Variants in ADAMTS12 observed in about 807,000 individuals in gnomAD.
ADAMTS12 encodes ADAM metallopeptidase with thrombospondin type 1 motif 12.
Under a neutral mutation model 167.8 loss-of-function variants are expected in ADAMTS12, and 118 were observed. The ratio of observed to expected loss-of-function variants is 0.70; its 90% CI spans 0.61 to 0.82. ADAMTS12 has a LOEUF of 0.82. Among genes scored for constraint, ADAMTS12 ranks in the 40% least tolerant of loss-of-function variants. ADAMTS12 has a pLI of 0.00. For missense variants in ADAMTS12, 1,916 were observed against 1,998.8 expected, an observed-to-expected ratio of 0.96 and a Z score of 0.79; for synonymous variants, 704 against 716.9, an observed-to-expected ratio of 0.98 and a Z score of 0.29.
intron 19 of ADAMTS12, among the ~76,000 whole-genome samples, chr5:33,561,414 A>G (rs1352511286): frequency 6.6e-6 from 1 of 152,268 alleles, no homozygotes; most frequent in Admixed American, 6.5e-5. Context: ...TTTAAAAAAT[A>G]GTCACGGTTG....
chr5:33,555,446 T>G (rs1195359376), intron 20 of ADAMTS12, among the ~76,000 whole-genome samples: 1 of 152,130 alleles, frequency 6.6e-6, no homozygotes, highest in African/African-American at 2.4e-5. Flanking sequence ...GACGGGGTTT[T>G]GCCATATTGC....
chr5:33,726,050 C>T (rs1373709701), intron 3 of ADAMTS12, among the ~76,000 whole-genome samples: 2 of 152,224 alleles, frequency 1.3e-5, no homozygotes, highest in Non-Finnish European at 2.9e-5. Flanking sequence ...CCACACAGCT[C>T]ATTAGTGCCA....
intron 19 of ADAMTS12, among the ~76,000 whole-genome samples, chr5:33,562,404 TC>T (rs1745790802): frequency 6.6e-6 from 1 of 152,216 alleles, no homozygotes; most frequent in East Asian, 1.9e-4. Context: ...CAAAATTTGT[TC>T]CCTTTTGTGT....
chr5:33,648,763 T>C (rs1425854452), intron 9 of ADAMTS12, 59 bp downstream of exon 9: 11 of 1,599,852 alleles, frequency 6.9e-6, no homozygotes, highest in Non-Finnish European at 9.4e-6. Context: ...GTCCTGGCCC[T>C]TCCTTCAGCA....
In ADAMTS12 at chr5:33,523,938, A is replaced by G. The variant is rs1743692158; in HGVS notation, c.*3250T>C. The G allele has an allele frequency of 6.6e-6, 1 of 152,232 alleles. No individual in the cohort carries two copies. The highest frequency in any genetic ancestry group is 6.5e-5 in the Admixed American group (1 of 15,292). 9.4% of individuals were successfully genotyped at this position (152,232 alleles called of 1,614,324 possible). ...CCAAAGATTCATCTTGAAGTCAGAAAGGAGAAGAGCTAAGACCTGCACTCT... is the reference window on the plus strand; with the variant it reads ...CCAAAGATTCATCTTGAAGTCAGAAGGGAGAAGAGCTAAGACCTGCACTCT... On this transcript the variant is annotated 3_prime_UTR_variant, in exon 24 of 24. Coordinates refer to ENST00000504830, the MANE Select transcript of ADAMTS12 (RefSeq NM_030955.4).
At chr5:33,880,856 C>G (rs528731991) in intron 2 of ADAMTS12, 18 of 438,842 alleles carry the variant, frequency 4.1e-5, no homozygotes, top group African/African-American at 3.5e-4. Flanking sequence ...CTTCTTCCCC[C>G]TCCAACCCCA....
At chr5:33,877,781 C>A (rs932575270) in intron 2 of ADAMTS12, among the ~76,000 whole-genome samples, 2 of 152,098 alleles carry the variant, frequency 1.3e-5, no homozygotes, top group African/African-American at 4.8e-5. Context: ...CCATAGGTAG[C>A]TTTTCTAGGG....
chr5:33,535,481 T>A (rs1208494828), intron 22 of ADAMTS12, among the ~76,000 whole-genome samples: 1 of 152,128 alleles, frequency 6.6e-6, no homozygotes, highest in Non-Finnish European at 1.5e-5. Context: ...TGGCCACATT[T>A]CCTGCCAAGT....
Position 33,534,911 on chromosome 5 carries a change from C to T in ADAMTS12, c.4528G>A (p.Asp1510Asn), listed in dbSNP as rs762532361. ...PSEGNKTEDQ[D>N]QCLCDHKPRP... Reference sequence around the variant, plus strand: ...GGTTTGTGATCACATAGACATTGGTCTTGGTCTTCAGTTTTATTGCCCTCT... The same window carrying T: ...GGTTTGTGATCACATAGACATTGGTTTTGGTCTTCAGTTTTATTGCCCTCT... The change falls in exon 23 of 24, where the codon GAC becomes AAC. Residue 1510 changes from aspartate to asparagine, a missense_variant. Transcript: ENST00000504830. 2.5e-6 allele frequency: 4 copies of T among 1,614,096 alleles called. No individual in the cohort carries two copies. The highest frequency in any genetic ancestry group is 3.4e-6 in the Non-Finnish European group (4 of 1,180,004).
At chr5:33,776,213 A>G (rs1745904773) in intron 2 of ADAMTS12, among the ~76,000 whole-genome samples, 1 of 152,204 alleles carries the variant, frequency 6.6e-6, no homozygotes, top group South Asian at 2.1e-4. Context: ...AACATTTTAG[A>G]CCAAATGGAC....
intron 9 of ADAMTS12, among the ~76,000 whole-genome samples, chr5:33,647,849 T>A (rs532192728): frequency 6.6e-6 from 1 of 152,368 alleles, no homozygotes; most frequent in African/African-American, 2.4e-5. Context: ...TTAAGTTTGC[T>A]TGTTCTGTCT....
At chr5:33,561,352 C>T (rs1474046156) in intron 19 of ADAMTS12, among the ~76,000 whole-genome samples, 173 bp from the exon 20 acceptor site, 1 of 152,256 alleles carries the variant, frequency 6.6e-6, no homozygotes. Flanking sequence ...ATCTGAATCT[C>T]TTGGGGTAGG....
At chr5:33,579,174 C>T (rs1439512450) in intron 18 of ADAMTS12, among the ~76,000 whole-genome samples, 1 of 152,232 alleles carries the variant, frequency 6.6e-6, no homozygotes, top group African/African-American at 2.4e-5. Flanking sequence ...TGTGCTCCAT[C>T]TATTTTAGTC....
At chr5:33,855,473 T>TA (rs1749364422) in intron 2 of ADAMTS12, among the ~76,000 whole-genome samples, 2 of 152,244 alleles carry the variant, frequency 1.3e-5, no homozygotes, top group Non-Finnish European at 2.9e-5. Context: ...TCCTACATGT[T>TA]AAAAGAAGGA....
intron 7 of ADAMTS12, among the ~76,000 whole-genome samples, chr5:33,654,213 T>A (rs137892917): frequency 0.01 from 1,541 of 152,288 alleles, 21 homozygotes; most frequent in African/African-American, 0.035. Flanking sequence ...TGTTTAAAGG[T>A]TGTTGATAAT....
intron 23 of ADAMTS12, among the ~76,000 whole-genome samples, chr5:33,532,193 C>T (rs572913232): frequency 6.6e-6 from 1 of 152,190 alleles, no homozygotes; most frequent in South Asian, 2.1e-4. Context: ...CGTTATCAGG[C>T]GATAATATTT....
In ADAMTS12 at chr5:33,576,090, G is replaced by A. The variant is rs143099189; in HGVS notation, c.3936C>T (p.His1312=). 1.7e-4 allele frequency: 267 copies of A among 1,613,996 alleles called. No individual in the cohort carries two copies. The highest frequency in any genetic ancestry group is 2.7e-4 in the Admixed American group (16 of 60,000). The part of the protein sequence containing the change: ...ASNYKQLTNG[H]GSAHWIVGNW... ...TTCCGACGATCCAGTGTGCAGAGCC[G>A]TGGCCGTTTGTGAGCTGCTTGTAAT... The change falls in exon 19 of 24, where the codon CAC becomes CAT. Residue 1312 remains histidine (H), a synonymous_variant. Transcript: ENST00000504830.
At chr5:33,641,196 A>G (rs1247152344) in intron 11 of ADAMTS12, among the ~76,000 whole-genome samples, 2 of 152,146 alleles carry the variant, frequency 1.3e-5, no homozygotes, top group African/African-American at 2.4e-5. Flanking sequence ...ATTATCATAC[A>G]AATAGAATAT....
intron 2 of ADAMTS12, among the ~76,000 whole-genome samples, chr5:33,853,430 T>C (rs1749289202): frequency 6.6e-6 from 1 of 152,168 alleles, no homozygotes; most frequent in Non-Finnish European, 1.5e-5. Context: ...CCAGCAGCTT[T>C]TCTGGTAAGA....
Sources: gnomAD v4.1 joint callset for allele counts (sites outside exome capture counted in the v4.1 genomes callset) on GRCh38, gnomAD v4.1.1 for gene constraint, MANE v1.5 for transcripts, NCBI Gene and HGNC (gene_info 2026-07-23, HGNC 2026-07-21) for gene names.